DNAAF9: variants seen among roughly 807,000 people sequenced by gnomAD.
The protein encoded by DNAAF9 is dynein axonemal assembly factor 9, also known as shulin.
DNAAF9 carries 90 observed loss-of-function variants against 167.0 expected under a neutral mutation model. The observed-to-expected ratio is 0.54, with a 90% CI of 0.45 to 0.64. The LOEUF is 0.64. Among genes scored for constraint, DNAAF9 ranks in the 30% least tolerant of loss-of-function variants. The probability of loss-of-function intolerance (pLI) is 0.00; values close to 1 mark genes in which losing one functional copy is unlikely to be tolerated. For missense variants in DNAAF9, 1,315 were observed against 1,442.2 expected (o/e 0.91, Z 1.43); for synonymous variants, 491 against 508.8 (o/e 0.96, Z 0.47).
At chr20:3,310,315 A>AG (rs1247899165) in intron 20 of DNAAF9, among the ~76,000 whole-genome samples, 10 of 121,698 alleles carry the variant, frequency 8.2e-5, no homozygotes, top group Admixed American at 4.2e-4. Context: ...AAGGAAAGAA[A>AG]GAAAGGAAAG....
chr20:3,278,578 G>A (rs1180135329), intron 29 of DNAAF9, among the ~76,000 whole-genome samples: 2 of 152,146 alleles, frequency 1.3e-5, no homozygotes, highest in Admixed American at 6.5e-5. Flanking sequence ...AATTAGCTGG[G>A]TGTGGTGGTA....
chr20:3,295,893 C>A, intron 23 of DNAAF9: 1 of 1,270,464 alleles, frequency 7.9e-7, no homozygotes, highest in South Asian at 1.2e-5. Flanking sequence ...CAGCCAGTGC[C>A]GTCAATTGAA....
At chr20:3,260,086 T>C in intron 31 of DNAAF9, 58 bp from the exon 32 acceptor site, 3 of 924,746 alleles carry the variant, frequency 3.2e-6, no homozygotes, top group Non-Finnish European at 5.3e-6. Context: ...ACGCCTGTAA[T>C]CCCAGCACTC....
At chr20:3,278,199 A>G (rs1464032483) in intron 29 of DNAAF9, among the ~76,000 whole-genome samples, 3 of 152,214 alleles carry the variant, frequency 2.0e-5, no homozygotes, top group East Asian at 3.9e-4. Context: ...ATTTTTCTCA[A>G]TGTTATCAAG....
At chr20:3,368,964 C>T (rs1309727197) in intron 6 of DNAAF9, among the ~76,000 whole-genome samples, 2 of 56 alleles carry the variant, frequency 0.036, no homozygotes, top group Admixed American at 0.33. Flanking sequence ...AACCCCATTT[C>T]TCTAAAAATA....
At chr20:3,253,446 A>T (rs1401150984) in intron 36 of DNAAF9, among the ~76,000 whole-genome samples, 1 of 152,222 alleles carries the variant, frequency 6.6e-6, no homozygotes, top group African/African-American at 2.4e-5. Context: ...CATCTCCAAA[A>T]AAAAATTAAA....
intron 20 of DNAAF9, among the ~76,000 whole-genome samples, chr20:3,314,476 C>G (rs1281795624): frequency 6.6e-6 from 1 of 152,292 alleles, no homozygotes; most frequent in South Asian, 2.1e-4. Context: ...CCCTGTCTGA[C>G]AGCCACCAAC....
chr20:3,299,551 A>G (rs1178187556), intron 21 of DNAAF9, among the ~76,000 whole-genome samples: 1 of 152,182 alleles, frequency 6.6e-6, no homozygotes, highest in Non-Finnish European at 1.5e-5. Context: ...GCCTCAAGTG[A>G]TCTGCCCTCC....
chr20:3,370,800 G>A (rs952333671), intron 6 of DNAAF9, among the ~76,000 whole-genome samples: 2 of 152,144 alleles, frequency 1.3e-5, no homozygotes, highest in Admixed American at 6.5e-5. Context: ...CTCCCAAAGT[G>A]CTAGGCTTGA....
intron 30 of DNAAF9, among the ~76,000 whole-genome samples, chr20:3,265,020 A>C (rs1292125051): frequency 6.6e-6 from 1 of 152,152 alleles, no homozygotes; most frequent in Non-Finnish European, 1.5e-5. Flanking sequence ...TCCCAAGAAC[A>C]AGGACATTCT....
intron 34 of DNAAF9, 123 bp downstream of exon 34, chr20:3,255,883 C>T: frequency 1.4e-6 from 1 of 714,722 alleles, no homozygotes; most frequent in Non-Finnish European, 2.4e-6. Flanking sequence ...GCTGGCTGGG[C>T]CAGGGAGAGG....
chr20:3,374,787 C>T (rs2123223856), intron 5 of DNAAF9, among the ~76,000 whole-genome samples: 1 of 152,290 alleles, frequency 6.6e-6, no homozygotes, highest in South Asian at 2.1e-4. Flanking sequence ...GTCAATTGTG[C>T]TAAATTCTGT....
intron 12 of DNAAF9, among the ~76,000 whole-genome samples, chr20:3,328,668 G>A (rs1473666084): frequency 6.6e-6 from 1 of 152,126 alleles, no homozygotes; most frequent in Non-Finnish European, 1.5e-5. Context: ...AGCAGCGCTG[G>A]CACAGAAGTA....
chr20:3,329,426 T>C (rs926122462), intron 12 of DNAAF9, among the ~76,000 whole-genome samples: 1 of 152,210 alleles, frequency 6.6e-6, no homozygotes, highest in South Asian at 2.1e-4. Context: ...CCCAGAGTCC[T>C]GGGATTTCAG....
At chr20:3,375,274 T>A in intron 4 of DNAAF9, 148 bp from the exon 5 acceptor site, 3 of 595,568 alleles carry the variant, frequency 5.0e-6, no homozygotes, top group South Asian at 2.2e-5. Context: ...CCAACCTTTT[T>A]CATTTGCTAG....
intron 1 of DNAAF9, among the ~76,000 whole-genome samples, chr20:3,399,202 C>T (rs2123300034): frequency 6.6e-6 from 1 of 152,240 alleles, no homozygotes; most frequent in East Asian, 1.9e-4. Flanking sequence ...CATATCCATT[C>T]TCTTTTTCTT....
At position 3,407,494 on chromosome 20, in the gene DNAAF9, G is replaced by T; in HGVS notation, c.64C>A (p.Arg22Ser). The T allele has an allele frequency of 5.4e-6, 7 of 1,295,458 alleles. No individual in the cohort carries two copies. The highest frequency in any genetic ancestry group is 2.4e-5 in the South Asian group (1 of 41,102). 80.2% of individuals were successfully genotyped at this position (1,295,458 alleles called of 1,614,324 possible). Residue 22 changes from arginine (R) to serine (S), a missense_variant, in exon 1 of 37, where the codon CGC becomes AGC. Coordinates refer to ENST00000252032, the MANE Select transcript of DNAAF9 (RefSeq NM_001009984.3). ...PRARSPGGSSRGSPSVSCSRL... is the reference protein window; with the variant it reads ...PRARSPGGSSSGSPSVSCSRL... ...GCGTACCTGACGGAGGGTGACCCGC[G>T]GCTGGAGCCGCCAGGGGACCGAGCG...
intron 1 of DNAAF9, among the ~76,000 whole-genome samples, chr20:3,391,945 A>G (rs2083833193): frequency 6.6e-6 from 1 of 151,978 alleles, no homozygotes; most frequent in Admixed American, 6.6e-5. Flanking sequence ...TAATCCCAAC[A>G]CTCTGGGAGG....
rs1456351122 is a variant in DNAAF9 at position 3,250,791 on chromosome 20, G to C, written c.*1781C>G. On this transcript the variant is annotated 3_prime_UTR_variant, in exon 37 of 37. Transcript: ENST00000252032. ...AAAACTTCACAGCAGCCCACTTAGA[G>C]AAATGGCCTGTGGTTCCCACCCCCC... is the stretch of plus-strand genomic sequence containing the variant. 6.6e-6 allele frequency: 1 copy of C among 152,242 alleles called. No individual in the cohort carries two copies. The highest frequency in any genetic ancestry group is 1.5e-5 in the Non-Finnish European group (1 of 68,056). The allele number at this position is 152,242 out of a possible 1,614,324, so 9.4% of individuals were successfully genotyped here.
Sources: allele counts gnomAD v4.1 joint callset (sites outside exome capture counted in the v4.1 genomes callset), GRCh38; gene constraint gnomAD v4.1.1; transcripts MANE v1.5; gene names NCBI Gene and HGNC (gene_info 2026-07-23, HGNC 2026-07-21).